The following NRCAM variants were observed in gnomAD, a reference collection of about 807,000 sequenced individuals.
The protein encoded by NRCAM is neuronal cell adhesion molecule.
In NRCAM, 83 loss-of-function variants were observed where a neutral mutation model predicts 156.5. The observed-to-expected ratio is 0.53, with a 90% CI of 0.44 to 0.64. The LOEUF (loss-of-function observed/expected upper bound fraction) is 0.64. Among genes scored for constraint, NRCAM ranks in the 30% least tolerant of loss-of-function variants. The pLI is 0.00. For synonymous variants in NRCAM, 538 were observed against 563.9 expected (o/e 0.95, Z 0.65); for missense variants, 1,417 against 1,597.3 (o/e 0.89, Z 1.92).
chr7:108,405,465 T>A (rs1383629450), intron 1 of NRCAM, among the ~76,000 whole-genome samples: 1 of 152,154 alleles, frequency 6.6e-6, no homozygotes, highest in African/African-American at 2.4e-5. Flanking sequence ...AATAATCCCA[T>A]AAGGTGGACA....
At chr7:108,218,412 A>C (rs1214342164) in intron 11 of NRCAM, among the ~76,000 whole-genome samples, 1 of 152,220 alleles carries the variant, frequency 6.6e-6, no homozygotes, top group East Asian at 1.9e-4. Context: ...TACACATTCT[A>C]TTCAACAGCA....
chr7:108,412,701 G>A (rs770390965), intron 1 of NRCAM, among the ~76,000 whole-genome samples: 10 of 151,700 alleles, frequency 6.6e-5, no homozygotes, highest in Non-Finnish European at 1.2e-4. Context: ...ACCTCCCTCC[G>A]TTCCCACCAC....
intron 2 of NRCAM, among the ~76,000 whole-genome samples, chr7:108,344,629 A>G (rs1174329315): frequency 6.6e-6 from 1 of 152,228 alleles, no homozygotes; most frequent in Non-Finnish European, 1.5e-5. Context: ...AATAAAGTTC[A>G]ATGAACTGTT....
chr7:108,175,563 T>C (rs1412035356), intron 27 of NRCAM, among the ~76,000 whole-genome samples: 1 of 152,188 alleles, frequency 6.6e-6, no homozygotes, highest in Admixed American at 6.5e-5. Context: ...TTTATCAGGA[T>C]ACCCAGTTTG....
chr7:108,449,368 C>G (rs139443441), intron 1 of NRCAM, among the ~76,000 whole-genome samples: 11 of 152,188 alleles, frequency 7.2e-5, no homozygotes, highest in South Asian at 2.1e-4. Context: ...CCAGCTCCCC[C>G]CTCCCTTCAC....
At chr7:108,214,776 C>A (rs770207861) in intron 11 of NRCAM, among the ~76,000 whole-genome samples, 9 of 152,190 alleles carry the variant, frequency 5.9e-5, no homozygotes, top group Non-Finnish European at 1.0e-4. Flanking sequence ...TTTAGCTGTA[C>A]ATTGTGATCC....
chr7:108,225,965 CCAGGTGGTTCAG>C (rs2093377588), intron 9 of NRCAM, among the ~76,000 whole-genome samples: 1 of 152,080 alleles, frequency 6.6e-6, no homozygotes, highest in Admixed American at 6.6e-5. Flanking sequence ...GCTCAGAACA[CCAGGTGGTTCAG>C]AAGGTTATCA....
At chr7:108,310,181 T>C (rs1217492412) in intron 3 of NRCAM, among the ~76,000 whole-genome samples, 1 of 152,224 alleles carries the variant, frequency 6.6e-6, no homozygotes, top group Non-Finnish European at 1.5e-5. Context: ...TGCTTTAAGG[T>C]GCAGCCTGGG....
intron 3 of NRCAM, among the ~76,000 whole-genome samples, chr7:108,247,557 T>A (rs984218773): frequency 7.6e-6 from 1 of 131,838 alleles, no homozygotes; most frequent in Non-Finnish European, 1.6e-5. Flanking sequence ...GACCATTATT[T>A]TAGCATAAAT....
chr7:108,341,382 A>G (rs2099275388), intron 2 of NRCAM, among the ~76,000 whole-genome samples: 1 of 152,188 alleles, frequency 6.6e-6, no homozygotes, highest in Non-Finnish European at 1.5e-5. Context: ...ACTGTCTTCC[A>G]CATCTGTCAC....
chr7:108,379,264 A>C (rs1213070850), intron 2 of NRCAM, among the ~76,000 whole-genome samples: 1 of 152,200 alleles, frequency 6.6e-6, no homozygotes, highest in East Asian at 1.9e-4. Flanking sequence ...TAAGTGTGGT[A>C]ACAAAAATGA....
At chr7:108,282,111 TAA>T (rs1430992984) in intron 3 of NRCAM, among the ~76,000 whole-genome samples, 3 of 152,200 alleles carry the variant, frequency 2.0e-5, no homozygotes, top group African/African-American at 7.2e-5. Flanking sequence ...CATCTCTTTA[TAA>T]AGAGTACACA....
At chr7:108,274,750 G>T in intron 3 of NRCAM, among the ~76,000 whole-genome samples, 1 of 152,052 alleles carries the variant, frequency 6.6e-6, no homozygotes, top group East Asian at 1.9e-4. Flanking sequence ...TTGCTTGATT[G>T]TCCTGGCCAG....
intron 2 of NRCAM, among the ~76,000 whole-genome samples, chr7:108,321,608 A>G (rs2099002110): frequency 6.6e-6 from 1 of 152,190 alleles, no homozygotes; most frequent in Non-Finnish European, 1.5e-5. Context: ...ACCACCTACC[A>G]AAGGCCCCTT....
intron 1 of NRCAM, among the ~76,000 whole-genome samples, chr7:108,423,285 A>C (rs1563743778): frequency 1.3e-5 from 2 of 152,118 alleles, no homozygotes; most frequent in Non-Finnish European, 2.9e-5. Flanking sequence ...GAAAGATGAA[A>C]AGTAAGAAGG....
intron 13 of NRCAM, among the ~76,000 whole-genome samples, chr7:108,201,608 C>G (rs1399091447): frequency 6.6e-6 from 1 of 152,066 alleles, no homozygotes; most frequent in African/African-American, 2.4e-5. Context: ...GTTACACGAC[C>G]ATGAACTTGG....
intron 2 of NRCAM, among the ~76,000 whole-genome samples, chr7:108,339,024 T>C (rs1217827871): frequency 5.9e-5 from 9 of 152,248 alleles, no homozygotes; most frequent in Admixed American, 5.9e-4. Flanking sequence ...TTCAGAATTA[T>C]TCTAAGTCAA....
chr7:108,444,323 T>G (rs1299891100), intron 1 of NRCAM, among the ~76,000 whole-genome samples: 1 of 152,092 alleles, frequency 6.6e-6, no homozygotes, highest in Admixed American at 6.6e-5. Context: ...GAGGGATGAC[T>G]CTATAGACAT....
intron 2 of NRCAM, among the ~76,000 whole-genome samples, chr7:108,368,485 A>G (rs907863517): frequency 6.6e-6 from 1 of 152,126 alleles, no homozygotes; most frequent in Non-Finnish European, 1.5e-5. Flanking sequence ...TTAGGGGAAT[A>G]GATGAACAGT....
Sources: gnomAD v4.1 joint callset for allele counts (sites outside exome capture counted in the v4.1 genomes callset) on GRCh38, gnomAD v4.1.1 for gene constraint, MANE v1.5 for transcripts, NCBI Gene and HGNC (gene_info 2026-07-23, HGNC 2026-07-21) for gene names.